The following ROR1 variants were observed in gnomAD, a reference collection of about 807,000 sequenced individuals.
ROR1 encodes the protein ROR family WNT receptor 1.
ROR1 carries 19 observed loss-of-function variants against 78.8 expected under a neutral mutation model. That is an observed-to-expected ratio of 0.24 (90% CI 0.17 to 0.35). ROR1 has a LOEUF of 0.35. Among genes scored for constraint, ROR1 ranks in the 10% least tolerant of loss-of-function variants. ROR1 has a pLI of 1.00. For synonymous variants in ROR1, 386 were observed against 433.6 expected (o/e 0.89, Z 1.36); for missense variants, 917 against 1,177.8 (o/e 0.78, Z 3.24).
In ROR1 at chr1:63,898,070, G is replaced by A. The variant is rs992695382; in HGVS notation, c.92-111235G>A. Among the ~76,000 whole-genome samples the A allele has an allele frequency of 2.0e-5, 3 of 152,294 alleles. No individual in the cohort carries two copies. The South Asian group carries it at 6.2e-4, about 32-fold the overall frequency. The stretch of plus-strand genomic sequence containing the variant: ...CATTTAGACAACTGGAGGGGTTGGG[G>A]CAAGAAATGTAGATCCTTGCTGGTC... On this transcript the variant is annotated intron_variant, in intron 1 of 8. Coordinates refer to ENST00000371079, the MANE Select transcript of ROR1 (RefSeq NM_005012.4).
At chr1:64,046,719 G>A (rs1646787923) in intron 2 of ROR1, among the ~76,000 whole-genome samples, 1 of 152,150 alleles carries the variant, frequency 6.6e-6, no homozygotes, top group South Asian at 2.1e-4. Context: ...CTCTCCATGG[G>A]TCTCATGGTA....
At chr1:63,989,587 G>A (rs1646279011) in intron 1 of ROR1, among the ~76,000 whole-genome samples, 1 of 152,112 alleles carries the variant, frequency 6.6e-6, no homozygotes, top group African/African-American at 2.4e-5. Flanking sequence ...AATGTCACAT[G>A]ATAAATAATA....
chr1:64,027,045 G>C (rs542800355), intron 2 of ROR1, among the ~76,000 whole-genome samples: 8 of 152,214 alleles, frequency 5.3e-5, no homozygotes, highest in Non-Finnish European at 1.0e-4. Flanking sequence ...TAGTTCCAGT[G>C]TTCCTTTGAA....
chr1:63,903,456 C>T (rs527943597), intron 1 of ROR1, among the ~76,000 whole-genome samples: 6 of 151,470 alleles, frequency 4.0e-5, no homozygotes, highest in Non-Finnish European at 5.9e-5. Context: ...ACCCACTTCA[C>T]TGATTTTATT....
chr1:64,143,379 A>AT, intron 7 of ROR1: 1 of 981,648 alleles, frequency 1.0e-6, no homozygotes, highest in Non-Finnish European at 1.2e-6. Flanking sequence ...AAAAAAAAAA[A>AT]AGAAAATGTT....
At chr1:64,026,939 C>T (rs1646616311) in intron 2 of ROR1, among the ~76,000 whole-genome samples, 1 of 152,118 alleles carries the variant, frequency 6.6e-6, no homozygotes, top group South Asian at 2.1e-4. Context: ...ATTGTAAATA[C>T]TTTGAAAAGA....
intron 1 of ROR1, among the ~76,000 whole-genome samples, chr1:63,782,738 T>C (rs1469207938): frequency 6.6e-6 from 1 of 152,128 alleles, no homozygotes; most frequent in East Asian, 1.9e-4. Context: ...ATTAAACCCC[T>C]TCCCAAATAA....
At chr1:63,970,368 T>C (rs1482172153) in intron 1 of ROR1, among the ~76,000 whole-genome samples, 5 of 152,186 alleles carry the variant, frequency 3.3e-5, no homozygotes, top group Non-Finnish European at 5.9e-5. Context: ...ACTTAATAAA[T>C]ATTGATTAAA....
chr1:64,075,551 T>C (rs918443947), intron 4 of ROR1, among the ~76,000 whole-genome samples: 1 of 152,212 alleles, frequency 6.6e-6, no homozygotes, highest in Non-Finnish European at 1.5e-5. Flanking sequence ...TATGAATGCC[T>C]CCAGTCACTG....
intron 1 of ROR1, among the ~76,000 whole-genome samples, chr1:63,928,371 C>T (rs1272437021): frequency 6.6e-6 from 1 of 152,136 alleles, no homozygotes; most frequent in African/African-American, 2.4e-5. Flanking sequence ...GCCATTGGCA[C>T]TCAGAGACTG....
intron 1 of ROR1, among the ~76,000 whole-genome samples, chr1:63,964,912 T>C (rs1295378761): frequency 1.3e-5 from 2 of 152,194 alleles, no homozygotes; most frequent in Non-Finnish European, 2.9e-5. Context: ...AGCTGGGCCT[T>C]AAGATGCTTC....
intron 1 of ROR1, among the ~76,000 whole-genome samples, chr1:63,850,586 T>A (rs1645108169): frequency 6.6e-6 from 1 of 152,208 alleles, no homozygotes; most frequent in African/African-American, 2.4e-5. Flanking sequence ...ACAGTTTGGA[T>A]GTATAAAGAT....
chr1:63,907,680 T>A lies in ROR1; in HGVS notation c.92-101625T>A, dbSNP rs548498004. ...GAAGAATAGTTTCTGTGCCTAGCAG[T>A]GTGCAAGGTTGCCAAAGTTCAGATT... On this transcript the variant is annotated intron_variant, in intron 1 of 8. Transcript: ENST00000371079. Among the ~76,000 whole-genome samples the A allele has an allele frequency of 7.8e-4, 119 of 152,182 alleles. 1 individual carries two copies. The highest frequency in any genetic ancestry group is 1.6e-3 in the Non-Finnish European group (106 of 68,034).
At chr1:64,122,291 G>A (rs1295544165) in intron 4 of ROR1, among the ~76,000 whole-genome samples, 1 of 152,174 alleles carries the variant, frequency 6.6e-6, no homozygotes, top group Non-Finnish European at 1.5e-5. Context: ...TGTGAGGATG[G>A]GGAAGAAGGA....
At chr1:63,908,914 A>G (rs1287248865) in intron 1 of ROR1, among the ~76,000 whole-genome samples, 1 of 152,196 alleles carries the variant, frequency 6.6e-6, no homozygotes, top group African/African-American at 2.4e-5. Flanking sequence ...TGGTGTCTCC[A>G]GTGGCCTCCA....
intron 7 of ROR1, among the ~76,000 whole-genome samples, chr1:64,153,895 G>A (rs932594817): frequency 2.6e-5 from 4 of 151,922 alleles, no homozygotes; most frequent in African/African-American, 9.7e-5. Context: ...TAAATTTTAC[G>A]GTATTTTTTA....
At chr1:63,962,005 T>G (rs1473754475) in intron 1 of ROR1, among the ~76,000 whole-genome samples, 1 of 152,106 alleles carries the variant, frequency 6.6e-6, no homozygotes, top group Admixed American at 6.6e-5. Flanking sequence ...AAAATAAAAT[T>G]ACCCAGCACT....
chr1:64,129,901 C>G (rs1224243491), intron 4 of ROR1, among the ~76,000 whole-genome samples: 1 of 152,152 alleles, frequency 6.6e-6, no homozygotes, highest in Admixed American at 6.5e-5. Flanking sequence ...GAAGCAAAGC[C>G]AATACCTTCC....
chr1:64,142,435 A>T lies in ROR1; in HGVS notation c.959A>T (p.Asp320Val). 6.2e-7 allele frequency: 1 copy of T among 1,614,060 alleles called. No homozygotes were observed. Among genetic ancestry groups the T allele is most frequent in the Non-Finnish European group, 8.5e-7 (1 of 1,180,006 alleles). ...AAGTGTTATAACAGCACAGGTGTGG[A>T]CTACCGGGGGACCGTCAGTGTGACC... is the stretch of plus-strand genomic sequence containing the variant. The part of the protein sequence containing the change: ...NHKCYNSTGV[D>V]YRGTVSVTKS... Residue 320 changes from aspartate (D) to valine (V), a missense_variant, in exon 7 of 9, where the codon GAC becomes GTC. By Grantham distance (152) the Asp-to-Val change is radical. Coordinates refer to ENST00000371079, the MANE Select transcript of ROR1 (RefSeq NM_005012.4).
Sources: gnomAD v4.1 joint callset for allele counts (sites outside exome capture counted in the v4.1 genomes callset) on GRCh38, gnomAD v4.1.1 for gene constraint, MANE v1.5 for transcripts, NCBI Gene and HGNC (gene_info 2026-07-23, HGNC 2026-07-21) for gene names.